Variants in SMARCC1 observed in about 807,000 individuals in gnomAD.
The protein encoded by SMARCC1 is SWI/SNF related BAF chromatin remodeling complex subunit C1.
In SMARCC1, 43 loss-of-function variants were observed where a neutral mutation model predicts 147.4. The ratio of observed to expected loss-of-function variants is 0.29; its 90% CI spans 0.23 to 0.38. The LOEUF is 0.38. SMARCC1 is among the 10% of genes least tolerant of loss of function. The pLI is 1.00. For synonymous variants in SMARCC1, 495 were observed against 484.4 expected (o/e 1.02, Z -0.29); for missense variants, 1,119 against 1,381.1 (o/e 0.81, Z 3.01).
chr3:47,730,218 C>A (rs1377567376), intron 5 of SMARCC1, among the ~76,000 whole-genome samples: 2 of 152,088 alleles, frequency 1.3e-5, no homozygotes, highest in Non-Finnish European at 2.9e-5. Context: ...CCAGGTGCAG[C>A]TGCTCACACC....
rs1421421698 is a variant in SMARCC1 at position 47,772,993 on chromosome 3, T to G, written c.196-57A>C. 3 of 1,571,282 alleles carry G rather than the reference T, an allele frequency of 1.9e-6. No homozygotes were observed. In the East Asian group the frequency reaches 6.8e-5, roughly 35 times the overall value. ...GTACAATTTTTGCAGGAGAAAATGTTGGCTTACTTCCTAGTACCTACTAAG... is the reference window on the plus strand; with the variant it reads ...GTACAATTTTTGCAGGAGAAAATGTGGGCTTACTTCCTAGTACCTACTAAG... On this transcript the variant is annotated intron_variant, in intron 1 of 27. Transcript: ENST00000254480.
intron 1 of SMARCC1, among the ~76,000 whole-genome samples, chr3:47,780,168 G>GTTTTTTTTTTT (rs10662354): frequency 0.014 from 880 of 61,328 alleles, 34 homozygotes; most frequent in African/African-American, 0.017. Context: ...GTTTTTTTTT[G>GTTTTTTTTTTT]TTTTTTTTTT....
chr3:47,706,041 T>A (rs1576417271), intron 10 of SMARCC1, among the ~76,000 whole-genome samples: 1 of 152,136 alleles, frequency 6.6e-6, no homozygotes, highest in Non-Finnish European at 1.5e-5. Context: ...TATGAGCTTA[T>A]TTGATCACAA....
intron 26 of SMARCC1, among the ~76,000 whole-genome samples, chr3:47,593,368 C>T (rs181270032): frequency 1.2e-4 from 18 of 151,922 alleles, no homozygotes; most frequent in African/African-American, 4.3e-4. Flanking sequence ...GACAGCGTTG[C>T]ACCATGTTGC....
intron 6 of SMARCC1, among the ~76,000 whole-genome samples, chr3:47,726,955 A>C (rs144926816): frequency 4.6e-5 from 7 of 152,236 alleles, no homozygotes; most frequent in South Asian, 4.1e-4. Flanking sequence ...CACGCCTCTA[A>C]TACCAGCACT....
intron 20 of SMARCC1, among the ~76,000 whole-genome samples, 170 bp from the exon 21 acceptor site, chr3:47,661,625 A>AAATAGT (rs1344730040): frequency 4.6e-5 from 7 of 152,302 alleles, no homozygotes; most frequent in African/African-American, 1.7e-4. Flanking sequence ...ATGAGACAAA[A>AAATAGT]AATAGTAATA....
intron 6 of SMARCC1, among the ~76,000 whole-genome samples, chr3:47,722,970 T>C (rs1428402029): frequency 6.6e-6 from 1 of 152,154 alleles, no homozygotes; most frequent in Non-Finnish European, 1.5e-5. Context: ...GACTGAATAA[T>C]TGCAAGAAAC....
At chr3:47,769,012 C>T (rs2034874675) in intron 2 of SMARCC1, among the ~76,000 whole-genome samples, 1 of 151,308 alleles carries the variant, frequency 6.6e-6, no homozygotes, top group South Asian at 2.1e-4. Context: ...GAGTTCAAGA[C>T]CAGGAGTGGC....
chr3:47,634,692 A>T (rs1019301801), intron 24 of SMARCC1, among the ~76,000 whole-genome samples: 2 of 152,182 alleles, frequency 1.3e-5, no homozygotes, highest in Non-Finnish European at 2.9e-5. Context: ...TAATACTATA[A>T]ATAGAAAAAA....
intron 25 of SMARCC1, among the ~76,000 whole-genome samples, chr3:47,615,124 C>A (rs2032620283): frequency 6.6e-6 from 1 of 151,482 alleles, no homozygotes; most frequent in Admixed American, 6.6e-5. Flanking sequence ...CACTCCTAAT[C>A]CCCCCGACTC....
Position 47,601,403 on chromosome 3 carries a change from T to C in SMARCC1, c.3043+8663A>G, listed in dbSNP as rs140278987. Reference sequence around the variant, plus strand: ...CACATTTCATCAATCCATTTCTAACTGTCTATAGCACATCCTCTGGCTGAG... The same window carrying C: ...CACATTTCATCAATCCATTTCTAACCGTCTATAGCACATCCTCTGGCTGAG... On this transcript the variant is annotated intron_variant, in intron 26 of 27. Transcript: ENST00000254480. Among the ~76,000 whole-genome samples the C allele has an allele frequency of 3.9e-5, 6 of 152,310 alleles. No homozygotes were observed. The East Asian group carries it at 7.7e-4, about 20-fold the overall frequency.
intron 7 of SMARCC1, among the ~76,000 whole-genome samples, chr3:47,716,772 T>TAA (rs2034161080): frequency 6.6e-6 from 1 of 152,230 alleles, no homozygotes; most frequent in African/African-American, 2.4e-5. Context: ...ACTACTGACT[T>TAA]GAAGCCTTTA....
At chr3:47,718,710 T>A (rs573052211) in intron 7 of SMARCC1, among the ~76,000 whole-genome samples, 3 of 150,484 alleles carry the variant, frequency 2.0e-5, no homozygotes, top group East Asian at 3.9e-4. Context: ...AAAAATAAAA[T>A]AAAAAAATAA....
chr3:47,762,236 T>C (rs904991520), intron 2 of SMARCC1, among the ~76,000 whole-genome samples: 2 of 152,168 alleles, frequency 1.3e-5, no homozygotes, highest in African/African-American at 2.4e-5. Flanking sequence ...CTACAGGTAC[T>C]CCCCAGGAAA....
chr3:47,662,700 T>C, intron 19 of SMARCC1, 108 bp from the exon 20 acceptor site: 11 of 845,556 alleles, frequency 1.3e-5, no homozygotes, highest in Non-Finnish European at 2.1e-5. Flanking sequence ...CAAATATTTA[T>C]GCATAAATAG....
intron 24 of SMARCC1, among the ~76,000 whole-genome samples, chr3:47,629,694 C>A (rs1042947472): frequency 6.6e-6 from 1 of 151,998 alleles, no homozygotes. Context: ...CCATCTCAGC[C>A]GAGGCATAGG....
At chr3:47,679,811 G>A (rs1292448799) in intron 15 of SMARCC1, among the ~76,000 whole-genome samples, 1 of 143,976 alleles carries the variant, frequency 6.9e-6, no homozygotes, top group African/African-American at 2.6e-5. Context: ...GCAGTTAGCT[G>A]AGATTGCAAC....
chr3:47,721,780 G>A (rs2034235928), intron 6 of SMARCC1, among the ~76,000 whole-genome samples: 2 of 152,094 alleles, frequency 1.3e-5, no homozygotes, highest in African/African-American at 2.4e-5. Context: ...GGAGGCAGGG[G>A]CAGGAAGATC....
At chr3:47,628,183 T>A (rs894328985) in intron 24 of SMARCC1, among the ~76,000 whole-genome samples, 13 of 152,212 alleles carry the variant, frequency 8.5e-5, no homozygotes, top group Non-Finnish European at 1.2e-4. Context: ...TGAAGCCCCA[T>A]GTTTGGACAC....
Sources: gnomAD v4.1 joint callset for allele counts (sites outside exome capture counted in the v4.1 genomes callset) on GRCh38, gnomAD v4.1.1 for gene constraint, MANE v1.5 for transcripts, NCBI Gene and HGNC (gene_info 2026-07-23, HGNC 2026-07-21) for gene names.